SLA2: variants seen among roughly 807,000 people sequenced by gnomAD.
The protein encoded by SLA2 is Src like adaptor 2.
In SLA2, 22 loss-of-function variants were observed where a neutral mutation model predicts 27.3. That is an observed-to-expected ratio of 0.81 (90% CI 0.58 to 1.15). SLA2 has a LOEUF of 1.15. Among genes scored for constraint, SLA2 ranks in the 50% most tolerant of loss-of-function variants. SLA2 has a pLI of 0.00. For missense variants in SLA2, 304 were observed against 322.2 expected, an observed-to-expected ratio of 0.94 and a Z score of 0.43; for synonymous variants, 131 against 137.8, an observed-to-expected ratio of 0.95 and a Z score of 0.34.
In SLA2 at chr20:36,613,679, G is replaced by T; in HGVS notation, c.*187C>A. On this transcript the variant is annotated 3_prime_UTR_variant, in exon 8 of 8. Transcript: ENST00000262866. ...AGGTCGCAGGTGGGATCATGGCACT[G>T]GAAGGAAGTAGGTGACTTCTAAGGG... 1.6e-6 allele frequency: 1 copy of T among 629,862 alleles called. No homozygotes were observed. The highest frequency in any genetic ancestry group is 2.6e-6 in the Non-Finnish European group (1 of 384,544). 39.0% of individuals were successfully genotyped at this position (629,862 alleles called of 1,614,324 possible). A position where few individuals can be genotyped will look rare whatever the true frequency, so the allele number is the denominator to read the frequency against.
At chr20:36,634,629 C>T in intron 2 of SLA2, 40 bp from the exon 3 acceptor site, 1 of 1,383,590 alleles carries the variant, frequency 7.2e-7, no homozygotes, top group Non-Finnish European at 1.0e-6. Flanking sequence ...CTTAGCTAGC[C>T]CTGCTCCACG....
chr20:36,646,114 G>A lies in SLA2; in HGVS notation c.-321C>T, dbSNP rs11696950. 0.015 allele frequency: 2,284 copies of A among 152,380 alleles called. 22 individuals carry two copies. The highest frequency in any genetic ancestry group is 0.021 in the Non-Finnish European group (1,437 of 68,094). 9.4% of individuals were successfully genotyped at this position (152,380 alleles called of 1,614,324 possible). On this transcript the variant is annotated 5_prime_UTR_variant, in exon 1 of 8. Transcript: ENST00000262866. Reference sequence around the variant, plus strand: ...CTGGGGAACCCTCCCAAGCACAGCCGAGCCAGGGAGGGAAGGCCCAGGGCC... The same window carrying A: ...CTGGGGAACCCTCCCAAGCACAGCCAAGCCAGGGAGGGAAGGCCCAGGGCC...
At chr20:36,629,195 T>C (rs2039368809) in intron 5 of SLA2, among the ~76,000 whole-genome samples, 1 of 151,972 alleles carries the variant, frequency 6.6e-6, no homozygotes, top group Admixed American at 6.6e-5. Context: ...CCTGAGTAGC[T>C]GGGATTACAG....
At chr20:36,636,194 G>T (rs1173221088) in intron 2 of SLA2, among the ~76,000 whole-genome samples, 1 of 150,864 alleles carries the variant, frequency 6.6e-6, no homozygotes, top group East Asian at 2.0e-4. Context: ...GAGGCGGGTG[G>T]ATCATGAGGT....
At chr20:36,634,656 G>T in intron 2 of SLA2, 67 bp from the exon 3 acceptor site, 1 of 1,063,376 alleles carries the variant, frequency 9.4e-7, no homozygotes, top group Non-Finnish European at 1.4e-6. Flanking sequence ...GTCTAGTGGA[G>T]TCTGGCCTGG....
chr20:36,636,859 G>A (rs888284842), intron 2 of SLA2, among the ~76,000 whole-genome samples: 1 of 151,676 alleles, frequency 6.6e-6, no homozygotes, highest in Non-Finnish European at 1.5e-5. Flanking sequence ...GCTGAGACAG[G>A]AGAATCGCTT....
At chr20:36,616,917 G>T (rs1651509700) in intron 5 of SLA2, among the ~76,000 whole-genome samples, 1 of 152,088 alleles carries the variant, frequency 6.6e-6, no homozygotes, top group East Asian at 1.9e-4. Flanking sequence ...GGGTGTGGTG[G>T]TGCACACCTG....
chr20:36,641,407 G>T, intron 1 of SLA2, 29 bp from the exon 2 acceptor site: 2 of 1,382,848 alleles, frequency 1.4e-6, no homozygotes, highest in Non-Finnish European at 1.0e-6. Context: ...TGGGGACAGA[G>T]CCGAGGCTTC....
At chr20:36,620,492 GA>G in intron 5 of SLA2, 4 of 211,012 alleles carry the variant, frequency 1.9e-5, no homozygotes, top group South Asian at 1.4e-4. Flanking sequence ...AAGCAGAGTC[GA>G]AAAAAGGATT....
At chr20:36,643,684 G>T (rs537105588) in intron 1 of SLA2, among the ~76,000 whole-genome samples, 1 of 152,330 alleles carries the variant, frequency 6.6e-6, no homozygotes, top group African/African-American at 2.4e-5. Flanking sequence ...GGGCGCGGTG[G>T]CTCATGCCTG....
In SLA2 at chr20:36,641,397, T is replaced by C. The variant is rs576415621; in HGVS notation, c.-43-19A>G. On this transcript the variant is annotated intron_variant, in intron 1 of 7. Transcript: ENST00000262866. ...GGGAAATCTGAAAGAGACACAGTGA[T>C]GGGGACAGAGCCGAGGCTTCTGGCC... 59 of 1,477,518 alleles carry C rather than the reference T, an allele frequency of 4.0e-5. 1 individual carries two copies. The Admixed American group carries it at 6.1e-4, about 15-fold the overall frequency. The allele number at this position is 1,477,518 out of a possible 1,614,324, so 91.5% of individuals were successfully genotyped here. A position where few individuals can be genotyped will look rare whatever the true frequency, so the allele number is the denominator to read the frequency against.
At chr20:36,634,651 G>A (rs979292194) in intron 2 of SLA2, 62 bp from the exon 3 acceptor site, 1 of 1,122,640 alleles carries the variant, frequency 8.9e-7, no homozygotes, top group African/African-American at 1.6e-5. Context: ...ATGAGGTCTA[G>A]TGGAGTCTGG....
At chr20:36,623,300 T>C (rs568795452) in intron 5 of SLA2, among the ~76,000 whole-genome samples, 7 of 147,256 alleles carry the variant, frequency 4.8e-5, no homozygotes, top group African/African-American at 1.7e-4. Context: ...ATCGACAGCA[T>C]GCTTAATAGG....
chr20:36,632,135 C>T (rs1214384317), intron 5 of SLA2, among the ~76,000 whole-genome samples: 4 of 152,158 alleles, frequency 2.6e-5, no homozygotes, highest in Non-Finnish European at 4.4e-5. Flanking sequence ...GAGTAGCAAC[C>T]CCACTGCCTT....
At chr20:36,632,784 C>T in intron 4 of SLA2, 86 bp from the exon 5 acceptor site, 1 of 987,814 alleles carries the variant, frequency 1.0e-6, no homozygotes, top group Non-Finnish European at 1.5e-6. Flanking sequence ...GCTGAGTGAC[C>T]CTCACAAGGC....
Position 36,614,412 on chromosome 20 carries a change from T to A in SLA2, c.558A>T (p.Leu186=). The A allele has an allele frequency of 6.2e-7, 1 of 1,612,222 alleles. No homozygotes were observed. The highest frequency in any genetic ancestry group is 8.5e-7 in the Non-Finnish European group (1 of 1,179,114). ...YSELADDICC[L]LKEPCVLQRA... ...TCTGCAGGACACAGGGCTCCTTGAG[T>A]AGGCAGCAGATGTCATCCGCCAGCT... Residue 186 remains leucine, a synonymous_variant, in exon 7 of 8, where the codon CTA becomes CTT. Transcript: ENST00000262866.
Position 36,613,880 on chromosome 20 carries a change from A to G in SLA2, c.772T>C (p.Leu258=), listed in dbSNP as rs1474697581. 4 of 1,613,720 alleles carry G rather than the reference A, an allele frequency of 2.5e-6. No homozygotes were observed. Among genetic ancestry groups the G allele is most frequent in the South Asian group, 2.2e-5 (2 of 91,074 alleles). ...YISLNDEAVS[L]DDA is the part of the protein sequence containing the mutation. ...CTCCTTTGGGCCTAGGCATCATCCA[A>G]AGAGACAGCCTCGTCATTCAGGCTG... The change falls in exon 8 of 8, where the codon TTG becomes CTG. Residue 258 remains leucine, a synonymous_variant. Coordinates refer to ENST00000262866, the MANE Select transcript of SLA2 (RefSeq NM_032214.4).
chr20:36,644,866 GTGTT>G (rs1489391526), intron 1 of SLA2, among the ~76,000 whole-genome samples: 11 of 92,772 alleles, frequency 1.2e-4, no homozygotes, highest in African/African-American at 4.7e-4. Flanking sequence ...CCAGAATATT[GTGTT>G]TTTTTTTTTT....
At position 36,640,629 on chromosome 20, in the gene SLA2, G is replaced by A. The variant is rs538679602; in HGVS notation, c.91+616C>T. Among the ~76,000 whole-genome samples the A allele has an allele frequency of 6.6e-5, 10 of 150,948 alleles. No individual in the cohort carries two copies. In the East Asian group the frequency reaches 1.2e-3, roughly 18 times the overall value. On this transcript the variant is annotated intron_variant, in intron 2 of 7. Transcript: ENST00000262866. ...CCTCCCGGGTTCAAGTGATTCTCTT[G>A]CCTCAGCCTCCTAAGTAGCTGGGAT...
Sources: allele counts gnomAD v4.1 joint callset (sites outside exome capture counted in the v4.1 genomes callset), GRCh38; gene constraint gnomAD v4.1.1; transcripts MANE v1.5; gene names NCBI Gene and HGNC (gene_info 2026-07-23, HGNC 2026-07-21).